The following FARS2 variants were observed in gnomAD, a reference collection of about 807,000 sequenced individuals.
FARS2 encodes the protein phenylalanyl-tRNA synthetase 2, mitochondrial, also known as phenylalanine--tRNA ligase, mitochondrial.
A neutral mutation model predicts 46.4 loss-of-function variants in FARS2; 40 were observed. The observed-to-expected ratio is 0.86, with a 90% CI of 0.67 to 1.12. FARS2 has a LOEUF of 1.12. Among genes scored for constraint, FARS2 ranks in the 50% most tolerant of loss-of-function variants. The probability of loss-of-function intolerance (pLI) is 0.00; values close to 1 mark genes in which losing one functional copy is unlikely to be tolerated. For synonymous variants in FARS2, 234 were observed against 214.9 expected (o/e 1.09, Z -0.78); for missense variants, 513 against 567.9 (o/e 0.90, Z 0.98).
At chr6:5,699,323 G>A (rs2150880334) in intron 6 of FARS2, among the ~76,000 whole-genome samples, 1 of 152,214 alleles carries the variant, frequency 6.6e-6, no homozygotes, top group Non-Finnish European at 1.5e-5. Flanking sequence ...GCACAGTTCA[G>A]CTTTGGTTAC....
chr6:5,741,361 C>T (rs1275301839), intron 6 of FARS2, among the ~76,000 whole-genome samples: 3 of 152,202 alleles, frequency 2.0e-5, no homozygotes, highest in Admixed American at 1.3e-4. Flanking sequence ...GCAACAGCTT[C>T]GCCTATGATG....
At chr6:5,318,236 G>A (rs1411683924) in intron 1 of FARS2, among the ~76,000 whole-genome samples, 1 of 152,054 alleles carries the variant, frequency 6.6e-6, no homozygotes, top group Non-Finnish European at 1.5e-5. Context: ...GCCGGCACCT[G>A]TAGTTCCAGC....
In FARS2 at chr6:5,765,989, C is replaced by A. The variant is rs77686941; in HGVS notation, c.1218-5302C>A. ...AAAAAAATCAAACTCTATCCAGTGA[C>A]CAACTCATTTTAGCCAATACCCCAA... On this transcript the variant is annotated intron_variant, in intron 6 of 6. Transcript: ENST00000274680. This position sits in a 1 kb window ranked among gnomAD's most constrained non-coding sequence, Gnocchi z 4.0. 2.6e-5 allele frequency among the ~76,000 whole-genome samples: 4 copies of A among 152,210 alleles called. No homozygotes were observed. In the East Asian group the frequency reaches 7.7e-4, roughly 29 times the overall value.
At chr6:5,671,592 G>A (rs1241909413) in intron 6 of FARS2, among the ~76,000 whole-genome samples, 1 of 152,188 alleles carries the variant, frequency 6.6e-6, no homozygotes, top group African/African-American at 2.4e-5. Context: ...GCCAGTCTGG[G>A]CGTTATTTCT....
At chr6:5,570,026 C>T (rs1209684061) in intron 5 of FARS2, among the ~76,000 whole-genome samples, 4 of 152,136 alleles carry the variant, frequency 2.6e-5, no homozygotes, top group Non-Finnish European at 5.9e-5. Context: ...TTGAACCTTG[C>T]TTAAGGACAG....
At chr6:5,458,608 A>G (rs1765049179) in intron 4 of FARS2, among the ~76,000 whole-genome samples, 1 of 152,078 alleles carries the variant, frequency 6.6e-6, no homozygotes, top group Non-Finnish European at 1.5e-5. Flanking sequence ...AATCCACCTC[A>G]TACACGTGGA....
intron 6 of FARS2, among the ~76,000 whole-genome samples, chr6:5,745,039 C>T (rs1179028545): frequency 6.6e-6 from 1 of 152,192 alleles, no homozygotes; most frequent in East Asian, 1.9e-4. Context: ...CTAGTCTGTA[C>T]CATTCATGCC....
chr6:5,708,934 C>A (rs1439205157), intron 6 of FARS2, among the ~76,000 whole-genome samples: 3 of 152,122 alleles, frequency 2.0e-5, no homozygotes, highest in Non-Finnish European at 2.9e-5. Context: ...AAATCAGAGA[C>A]CCTTTCCCTT....
At chr6:5,491,570 A>C (rs747062261) in intron 4 of FARS2, among the ~76,000 whole-genome samples, 46 of 152,194 alleles carry the variant, frequency 3.0e-4, no homozygotes, top group South Asian at 2.1e-4. Flanking sequence ...CTTGCCAGTT[A>C]CTGAGGGTTC....
intron 4 of FARS2, among the ~76,000 whole-genome samples, chr6:5,491,792 A>G (rs1296003539): frequency 5.9e-5 from 9 of 152,224 alleles, no homozygotes; most frequent in Non-Finnish European, 1.3e-4. Flanking sequence ...ATCACAGGCT[A>G]CTGCCACTCT....
intron 6 of FARS2, among the ~76,000 whole-genome samples, chr6:5,663,886 C>G (rs926471799): frequency 6.6e-6 from 1 of 152,208 alleles, no homozygotes; most frequent in Admixed American, 6.5e-5. Flanking sequence ...CTGTGCGCAC[C>G]TGGGCTGCAC....
chr6:5,308,623 GTCCTT>G (rs1768886706), intron 1 of FARS2, among the ~76,000 whole-genome samples: 1 of 152,202 alleles, frequency 6.6e-6, no homozygotes, highest in South Asian at 2.1e-4. Context: ...CTCGCCCTGT[GTCCTT>G]ACCTTATCAT....
chr6:5,656,582 G>A (rs562667273), intron 6 of FARS2, among the ~76,000 whole-genome samples: 234 of 65,672 alleles, frequency 3.6e-3, no homozygotes, highest in African/African-American at 0.015. Context: ...ACAGAGTCTC[G>A]CTCTGTCGCC....
intron 4 of FARS2, among the ~76,000 whole-genome samples, chr6:5,497,445 A>G (rs959081966): frequency 6.6e-6 from 1 of 152,198 alleles, no homozygotes; most frequent in Non-Finnish European, 1.5e-5. Context: ...TTAATGTGGG[A>G]TAAAGGACAA....
chr6:5,296,350 C>T (rs979544110), intron 1 of FARS2, among the ~76,000 whole-genome samples: 4 of 151,944 alleles, frequency 2.6e-5, no homozygotes, highest in Middle Eastern at 3.2e-3. Flanking sequence ...ACTGTGTTAG[C>T]CAGGATGGTC....
At chr6:5,732,972 C>T (rs926479478) in intron 6 of FARS2, among the ~76,000 whole-genome samples, 1 of 152,216 alleles carries the variant, frequency 6.6e-6, no homozygotes, top group African/African-American at 2.4e-5. Context: ...CCCAAGCCCC[C>T]GGCTAGGTGG....
chr6:5,636,380 T>C (rs1776547760), intron 6 of FARS2, among the ~76,000 whole-genome samples: 1 of 152,192 alleles, frequency 6.6e-6, no homozygotes, highest in Admixed American at 6.5e-5. Flanking sequence ...TAGCAACTGC[T>C]TCTCCCTCCC....
intron 2 of FARS2, among the ~76,000 whole-genome samples, chr6:5,375,699 A>G (rs1377474272): frequency 6.6e-6 from 1 of 152,134 alleles, no homozygotes; most frequent in East Asian, 1.9e-4. Context: ...CTTATGAAAT[A>G]TAAGTGATAT....
chr6:5,423,091 GC>G (rs34499406), intron 3 of FARS2, among the ~76,000 whole-genome samples: 23,955 of 152,120 alleles, frequency 0.16, 2,548 homozygotes, highest in East Asian at 0.46. Flanking sequence ...CACCCGACCA[GC>G]TTTGTGGAGG....
Sources: gnomAD v4.1 joint callset for allele counts (sites outside exome capture counted in the v4.1 genomes callset) on GRCh38, gnomAD v4.1.1 for gene constraint, Gnocchi (gnomAD v3.1) non-coding constraint, MANE v1.5 for transcripts, NCBI Gene and HGNC (gene_info 2026-07-23, HGNC 2026-07-21) for gene names.